Variants in RPS6KA5 observed in about 807,000 individuals in gnomAD.
RPS6KA5 encodes the protein ribosomal protein S6 kinase A5.
In RPS6KA5, 27 loss-of-function variants were observed where a neutral mutation model predicts 85.5. The ratio of observed to expected loss-of-function variants is 0.32; its 90% CI spans 0.23 to 0.44. The LOEUF (loss-of-function observed/expected upper bound fraction) is 0.44. RPS6KA5 is among the 20% of genes least tolerant of loss of function. The probability of loss-of-function intolerance (pLI) is 1.00; values close to 1 mark genes in which losing one functional copy is unlikely to be tolerated. For synonymous variants in RPS6KA5, 334 were observed against 348.2 expected (o/e 0.96, Z 0.46); for missense variants, 811 against 980.9 (o/e 0.83, Z 2.31).
intron 1 of RPS6KA5, among the ~76,000 whole-genome samples, chr14:91,027,673 G>C (rs1270235687): frequency 6.6e-6 from 1 of 152,162 alleles, no homozygotes; most frequent in Non-Finnish European, 1.5e-5. Flanking sequence ...AGTGTGGCTT[G>C]TCTAGGGTTC....
chr14:90,853,993 T>C lies in RPS6KA5; in HGVS notation c.*18081A>G, dbSNP rs1232075290. On this transcript the variant is annotated 3_prime_UTR_variant, in exon 17 of 17. Coordinates refer to ENST00000614987, the MANE Select transcript of RPS6KA5 (RefSeq NM_004755.4). ...AGTCGATTTAAGGAGTGAGGGGCAG[T>C]CTTATTAATTTGGTATTGTAAGCCC... is the stretch of plus-strand genomic sequence containing the variant. 1 of 152,228 alleles carries C rather than the reference T, an allele frequency of 6.6e-6. No individual in the cohort carries two copies. The highest frequency in any genetic ancestry group is 1.5e-5 in the Non-Finnish European group (1 of 68,036). The allele number at this position is 152,228 out of a possible 1,614,324, so 9.4% of individuals were successfully genotyped here.
At chr14:90,983,276 CAAAA>C (rs562999325) in intron 2 of RPS6KA5, among the ~76,000 whole-genome samples, 2 of 66,600 alleles carry the variant, frequency 3.0e-5, no homozygotes, top group East Asian at 4.2e-4. Flanking sequence ...GACTCCATCT[CAAAA>C]AAAAAAAAAA....
chr14:90,866,459 C>A lies in RPS6KA5; in HGVS notation c.*5615G>T, dbSNP rs1945148050. The A allele has an allele frequency of 6.6e-6, 1 of 152,272 alleles. No homozygotes were observed. Among genetic ancestry groups the A allele is most frequent in the Non-Finnish European group, 1.5e-5 (1 of 68,054 alleles). 9.4% of individuals were successfully genotyped at this position (152,272 alleles called of 1,614,324 possible). On this transcript the variant is annotated 3_prime_UTR_variant, in exon 17 of 17. Coordinates refer to ENST00000614987, the MANE Select transcript of RPS6KA5 (RefSeq NM_004755.4). ...CTCCGGCCAGGGTGACAGAGTGAGA[C>A]CCTGTCTCACACAAAGGCAACTCAT...
Position 90,899,319 on chromosome 14 carries a change from A to AG in RPS6KA5, c.1473+9dup, listed in dbSNP as rs398026148. The AG allele has an allele frequency of 8.5e-6, 13 of 1,530,734 alleles. No individual in the cohort carries two copies. Among genetic ancestry groups the AG allele is most frequent in the Non-Finnish European group, 1.2e-5 (13 of 1,124,326 alleles). 94.8% of individuals were successfully genotyped at this position (1,530,734 alleles called of 1,614,324 possible). ...ACACATGGGAAAAAAAAAAAAAAAA[A>AG]GTAGGATACCTGATCATGAAAAACT... On this transcript the variant is annotated intron_variant, in intron 12 of 16. Transcript: ENST00000614987.
intron 14 of RPS6KA5, among the ~76,000 whole-genome samples, chr14:90,876,501 C>T (rs2033488583): frequency 6.6e-6 from 1 of 152,178 alleles, no homozygotes. Context: ...AACAGAATAA[C>T]AAACAAGCCA....
chr14:90,905,505 G>GT lies in RPS6KA5; in HGVS notation c.957+643dup, dbSNP rs1455144059. 2.6e-5 allele frequency among the ~76,000 whole-genome samples: 4 copies of GT among 152,178 alleles called. No homozygotes were observed. In the South Asian group the frequency reaches 8.3e-4, roughly 32 times the overall value. ...ACTAGCCAACTCAGTTAATTTAAAT[G>GT]TTTTTTCTCAGTTGTTTAATATTTT... On this transcript the variant is annotated intron_variant, in intron 8 of 16. Transcript: ENST00000614987.
At position 90,986,494 on chromosome 14, in the gene RPS6KA5, A is replaced by T. The variant is rs145614929; in HGVS notation, c.176-7970T>A. On this transcript the variant is annotated intron_variant, in intron 2 of 16. Coordinates refer to ENST00000614987, the MANE Select transcript of RPS6KA5 (RefSeq NM_004755.4). ...TAAAATAAGAATCAAAAGAAGACTA[A>T]GATGCATATTCATAAATAATTCTCT... Among the ~76,000 whole-genome samples, 266 of 152,280 alleles carry T rather than the reference A, an allele frequency of 1.7e-3. 1 individual carries two copies. The highest frequency in any genetic ancestry group is 0.014 in the Middle Eastern group (4 of 294).
chr14:90,891,063 A>G (rs1156557139), intron 13 of RPS6KA5, among the ~76,000 whole-genome samples: 4 of 151,798 alleles, frequency 2.6e-5, no homozygotes, highest in African/African-American at 9.7e-5. Flanking sequence ...ATTTTTTCCT[A>G]ACACTATTTA....
At chr14:90,945,636 T>G (rs2037833910) in intron 4 of RPS6KA5, among the ~76,000 whole-genome samples, 1 of 152,228 alleles carries the variant, frequency 6.6e-6, no homozygotes, top group African/African-American at 2.4e-5. Flanking sequence ...ATTACTCTCA[T>G]TCCATATCAA....
At chr14:90,951,135 AAG>A (rs1280228009) in intron 3 of RPS6KA5, among the ~76,000 whole-genome samples, 4 of 146,536 alleles carry the variant, frequency 2.7e-5, no homozygotes, top group African/African-American at 1.0e-4. Context: ...AAAAAAAAAA[AAG>A]AGAGAGAGAG....
At chr14:90,885,672 G>A (rs1480836441) in intron 14 of RPS6KA5, among the ~76,000 whole-genome samples, 1 of 140,528 alleles carries the variant, frequency 7.1e-6, no homozygotes, top group Non-Finnish European at 1.5e-5. Context: ...AACCTAGGAG[G>A]CGGAGCTTGC....
At position 90,870,273 on chromosome 14, in the gene RPS6KA5, T is replaced by C. The variant is rs547763230; in HGVS notation, c.*1801A>G. 1 of 152,310 alleles carries C rather than the reference T, an allele frequency of 6.6e-6. No homozygotes were observed. Among genetic ancestry groups the C allele is most frequent in the South Asian group, 2.1e-4 (1 of 4,826 alleles). 9.4% of individuals were successfully genotyped at this position (152,310 alleles called of 1,614,324 possible). On this transcript the variant is annotated 3_prime_UTR_variant, in exon 17 of 17. Coordinates refer to ENST00000614987, the MANE Select transcript of RPS6KA5 (RefSeq NM_004755.4). ...GATCTGTGCCTGATGGAATCACATT[T>C]TGTGAATTAGCAATAGTTTGGTAAT...
intron 2 of RPS6KA5, among the ~76,000 whole-genome samples, chr14:90,983,847 T>TTTTC (rs1566826345): frequency 1.6e-5 from 2 of 128,192 alleles, no homozygotes; most frequent in Non-Finnish European, 3.2e-5. Context: ...CTCTTTCTTT[T>TTTTC]TTTCTTTCTT....
Position 90,987,698 on chromosome 14 carries a change from G to A in RPS6KA5, c.176-9174C>T, listed in dbSNP as rs1342000168. ...TGTTGATTAGATGACAGCAGCAGCA[G>A]CCACAACAACAACAACAACAACAAC... On this transcript the variant is annotated intron_variant, in intron 2 of 16. Transcript: ENST00000614987. Among the ~76,000 whole-genome samples the A allele has an allele frequency of 5.1e-5, 7 of 137,144 alleles. No homozygotes were observed. The East Asian group carries it at 1.4e-3, about 27-fold the overall frequency. The allele number at this position is 137,144 out of a possible 152,430, so 90.0% of individuals were successfully genotyped here. A position where few individuals can be genotyped will look rare whatever the true frequency, so the allele number is the denominator to read the frequency against.
At chr14:90,873,243 C>T (rs187730171) in intron 16 of RPS6KA5, among the ~76,000 whole-genome samples, 1 of 152,254 alleles carries the variant, frequency 6.6e-6, no homozygotes, top group African/African-American at 2.4e-5. Context: ...CTTCATATCC[C>T]TCCCAGTTTT....
chr14:90,927,916 T>TC (rs2036758631), intron 5 of RPS6KA5, among the ~76,000 whole-genome samples: 1 of 128,174 alleles, frequency 7.8e-6, no homozygotes, highest in Admixed American at 8.2e-5. Context: ...ATGTCTTTTT[T>TC]CTCTTTCTTT....
chr14:90,963,287 G>A (rs867113138), intron 3 of RPS6KA5, among the ~76,000 whole-genome samples: 2 of 152,208 alleles, frequency 1.3e-5, no homozygotes, highest in African/African-American at 2.4e-5. Context: ...AAGCACGGAT[G>A]TTAGTTTACC....
chr14:91,041,703 T>C (rs1271753058), intron 1 of RPS6KA5, among the ~76,000 whole-genome samples: 1 of 152,226 alleles, frequency 6.6e-6, no homozygotes, highest in Admixed American at 6.5e-5. Context: ...AAACCGTGTC[T>C]CTGGACAGCA....
rs2031832683 is a variant in RPS6KA5 at position 90,848,619 on chromosome 14, G to A, written c.*23455C>T. The A allele has an allele frequency of 6.6e-6, 1 of 152,022 alleles. No homozygotes were observed. Among genetic ancestry groups the A allele is most frequent in the African/African-American group, 2.4e-5 (1 of 41,366 alleles). 9.4% of individuals were successfully genotyped at this position (152,022 alleles called of 1,614,324 possible). A position where few individuals can be genotyped will look rare whatever the true frequency, so the allele number is the denominator to read the frequency against. On this transcript the variant is annotated 3_prime_UTR_variant, in exon 17 of 17. Coordinates refer to ENST00000614987, the MANE Select transcript of RPS6KA5 (RefSeq NM_004755.4). ...ATTGATCCTTGATGTGAGAATAACTGTATTCCTTGCATGTTCAGAATGTCC... is the reference window on the plus strand; with the variant it reads ...ATTGATCCTTGATGTGAGAATAACTATATTCCTTGCATGTTCAGAATGTCC...
Sources: gnomAD v4.1 joint callset for allele counts (sites outside exome capture counted in the v4.1 genomes callset) on GRCh38, gnomAD v4.1.1 for gene constraint, MANE v1.5 for transcripts, NCBI Gene and HGNC (gene_info 2026-07-23, HGNC 2026-07-21) for gene names.